DDIAS: variants seen among roughly 807,000 people sequenced by gnomAD.
DDIAS encodes the protein DNA damage induced apoptosis suppressor.
Under a neutral mutation model 15.7 loss-of-function variants are expected in DDIAS, and 14 were observed. That is an observed-to-expected ratio of 0.89 (90% CI 0.59 to 1.39). The LOEUF is 1.39. DDIAS is among the 40% of genes most tolerant of loss of function. The pLI is 0.00. For missense variants in DDIAS, 1,035 were observed against 1,130.9 expected, an observed-to-expected ratio of 0.92 and a Z score of 1.22; for synonymous variants, 355 against 395.9, an observed-to-expected ratio of 0.90 and a Z score of 1.23.
chr11:82,926,653 A>C (rs904890926), intron 3 of DDIAS, among the ~76,000 whole-genome samples: 1 of 152,190 alleles, frequency 6.6e-6, no homozygotes, highest in Admixed American at 6.5e-5. Flanking sequence ...GAGCTTATTA[A>C]AAATGCAGGA....
chr11:82,916,570 T>A (rs1307601048), intron 3 of DDIAS, among the ~76,000 whole-genome samples: 1 of 152,224 alleles, frequency 6.6e-6, no homozygotes, highest in Non-Finnish European at 1.5e-5. Flanking sequence ...AAAATATTTT[T>A]AAAACTCTTT....
chr11:82,902,285 C>T (rs1031094768), intron 1 of DDIAS, among the ~76,000 whole-genome samples: 1 of 152,202 alleles, frequency 6.6e-6, no homozygotes. Context: ...CAGCCAGTCC[C>T]TACCAGCCTC....
Position 82,902,947 on chromosome 11 carries a change from A to G in DDIAS, c.-117+1125A>G, listed in dbSNP as rs189548797. Among the ~76,000 whole-genome samples the G allele has an allele frequency of 5.9e-3, 899 of 152,350 alleles. 16 individuals are homozygous for G. Among genetic ancestry groups the G allele is most frequent in the African/African-American group, 0.02 (849 of 41,572 alleles). ...ATTAAGGAGAATTTACAAGGAAACT[A>G]TGTGAATTAGACTGGTCTAAGAAGA... On this transcript the variant is annotated intron_variant, in intron 1 of 5. Transcript: ENST00000533655.
chr11:82,903,373 C>T (rs1591083726), intron 1 of DDIAS, among the ~76,000 whole-genome samples: 1 of 152,296 alleles, frequency 6.6e-6, no homozygotes, highest in Non-Finnish European at 1.5e-5. Context: ...GGAGGAATGA[C>T]AAATGACTCC....
intron 4 of DDIAS, among the ~76,000 whole-genome samples, chr11:82,929,703 CAAAAAA>C (rs35770177): frequency 1.2e-5 from 1 of 86,376 alleles, no homozygotes. Context: ...GACTCTGTCT[CAAAAAA>C]AAAAAAAAAA....
At chr11:82,915,105 A>C (rs998740771) in intron 3 of DDIAS, among the ~76,000 whole-genome samples, 19 of 152,260 alleles carry the variant, frequency 1.2e-4, no homozygotes, top group African/African-American at 4.3e-4. Context: ...GTAAGTTCCA[A>C]TACTGGGTAC....
At chr11:82,913,199 G>A (rs762953505) in intron 1 of DDIAS, 88 bp from the exon 2 acceptor site, 2 of 152,214 alleles carry the variant, frequency 1.3e-5, no homozygotes, top group Non-Finnish European at 2.9e-5. Context: ...TGTAATATCT[G>A]TGAAGCATAA....
At chr11:82,916,858 G>A (rs1399025153) in intron 3 of DDIAS, among the ~76,000 whole-genome samples, 1 of 152,176 alleles carries the variant, frequency 6.6e-6, no homozygotes, top group Non-Finnish European at 1.5e-5. Context: ...CAGCTAGTTA[G>A]GGGCAGAAAC....
chr11:82,925,082 C>T (rs1860831492), intron 3 of DDIAS, among the ~76,000 whole-genome samples: 2 of 152,174 alleles, frequency 1.3e-5, no homozygotes, highest in South Asian at 4.1e-4. Flanking sequence ...TATGAGAATC[C>T]AGCTGTCTTT....
chr11:82,934,377 G>A lies in DDIAS; in HGVS notation c.*42G>A, dbSNP rs375480993. On this transcript the variant is annotated 3_prime_UTR_variant, in exon 6 of 6. Transcript: ENST00000533655. ...AATTCCTGAACTTTTAAATCTGTTT[G>A]GAAATGTTTGCCTTCAGGGGTACGG... The A allele has an allele frequency of 3.3e-6, 5 of 1,517,616 alleles. No individual in the cohort carries two copies. Among genetic ancestry groups the A allele is most frequent in the Non-Finnish European group, 3.5e-6 (4 of 1,131,714 alleles). The allele number at this position is 1,517,616 out of a possible 1,614,324, so 94.0% of individuals were successfully genotyped here. A position where few individuals can be genotyped will look rare whatever the true frequency, so the allele number is the denominator to read the frequency against.
At chr11:82,927,691 ATT>A (rs1860891452) in intron 3 of DDIAS, among the ~76,000 whole-genome samples, 1 of 152,240 alleles carries the variant, frequency 6.6e-6, no homozygotes, top group Non-Finnish European at 1.5e-5. Flanking sequence ...AGGGGTGGAC[ATT>A]AAGAACCTGA....
At chr11:82,918,782 T>TG (rs1312104146) in intron 3 of DDIAS, among the ~76,000 whole-genome samples, 1 of 152,198 alleles carries the variant, frequency 6.6e-6, no homozygotes, top group East Asian at 1.9e-4. Flanking sequence ...AGAGGTCTTT[T>TG]GCCTCCTTGG....
intron 3 of DDIAS, among the ~76,000 whole-genome samples, chr11:82,917,812 G>A (rs1860661041): frequency 6.6e-6 from 1 of 152,092 alleles, no homozygotes; most frequent in African/African-American, 2.4e-5. Flanking sequence ...ACATCTACTG[G>A]TTTTTGATTT....
intron 1 of DDIAS, among the ~76,000 whole-genome samples, chr11:82,913,005 A>G (rs1362780424): frequency 1.3e-5 from 2 of 152,182 alleles, no homozygotes; most frequent in Non-Finnish European, 2.9e-5. Context: ...TGGCACCCCA[A>G]AACAATTACA....
Position 82,931,792 on chromosome 11 carries a change from G to C in DDIAS, c.454G>C (p.Asp152His). Residue 152 changes from aspartate (D) to histidine (H), a missense_variant, in exon 6 of 6, where the codon GAC becomes CAC. By Grantham distance (81) the Asp-to-His change is moderately conservative. Coordinates refer to ENST00000533655, the MANE Select transcript of DDIAS (RefSeq NM_145018.4). ...DASNFLQQCS[D>H]HKRKAKALVA... Reference sequence around the variant, plus strand: ...CAGTAACTTCTTACAGCAATGCTCTGACCACAAAAGAAAAGCCAAAGCACT... The same window carrying C: ...CAGTAACTTCTTACAGCAATGCTCTCACCACAAAAGAAAAGCCAAAGCACT... The C allele has an allele frequency of 6.2e-7, 1 of 1,614,160 alleles. No individual in the cohort carries two copies. Among genetic ancestry groups the C allele is most frequent in the Non-Finnish European group, 8.5e-7 (1 of 1,180,036 alleles).
At chr11:82,928,596 G>A (rs927161769) in intron 3 of DDIAS, among the ~76,000 whole-genome samples, 181 bp from the exon 4 acceptor site, 7 of 152,068 alleles carry the variant, frequency 4.6e-5, no homozygotes, top group African/African-American at 1.4e-4. Flanking sequence ...AATCAGTAAC[G>A]CTAACTATTC....
intron 3 of DDIAS, among the ~76,000 whole-genome samples, chr11:82,917,468 C>A (rs944793004): frequency 6.6e-6 from 1 of 152,110 alleles, no homozygotes; most frequent in Non-Finnish European, 1.5e-5. Context: ...GACTGCAATG[C>A]CATTAATTCA....
chr11:82,922,840 G>A (rs1565247816), intron 3 of DDIAS, among the ~76,000 whole-genome samples: 1 of 152,150 alleles, frequency 6.6e-6, no homozygotes, highest in Non-Finnish European at 1.5e-5. Context: ...AAGGTCTAGG[G>A]CTGAAGGCTG....
At chr11:82,914,590 C>T in intron 2 of DDIAS, 133 bp from the exon 3 acceptor site, 2 of 510,104 alleles carry the variant, frequency 3.9e-6, no homozygotes, top group Non-Finnish European at 6.9e-6. Flanking sequence ...ACATTGATAC[C>T]ACCTTCACTT....
Sources: allele counts gnomAD v4.1 joint callset (sites outside exome capture counted in the v4.1 genomes callset), GRCh38; gene constraint gnomAD v4.1.1; transcripts MANE v1.5; gene names NCBI Gene and HGNC (gene_info 2026-07-23, HGNC 2026-07-21).